TCF12: variants seen among roughly 807,000 people sequenced by gnomAD.
TCF12 encodes the protein DNA-binding protein HTF4.
TCF12 carries 45 observed loss-of-function variants against 86.0 expected under a neutral mutation model. The observed-to-expected ratio is 0.52, with a 90% CI of 0.41 to 0.67. The LOEUF (loss-of-function observed/expected upper bound fraction) is 0.67. Ranked by LOEUF, TCF12 falls within the 30% of genes least tolerant of loss-of-function variation. TCF12 has a pLI of 0.00. For missense variants in TCF12, 881 were observed against 859.9 expected (o/e 1.02, Z -0.31); for synonymous variants, 330 against 299.6 (o/e 1.10, Z -1.05).
chr15:57,169,953 C>T (rs1353548017), intron 6 of TCF12, among the ~76,000 whole-genome samples: 2 of 152,184 alleles, frequency 1.3e-5, no homozygotes, highest in African/African-American at 4.8e-5. Flanking sequence ...TATCAAAAGA[C>T]ATTTATTTTA....
intron 7 of TCF12, among the ~76,000 whole-genome samples, chr15:57,195,191 C>G (rs954942388): frequency 1.3e-5 from 2 of 152,198 alleles, no homozygotes; most frequent in African/African-American, 2.4e-5. Context: ...GCATGAGCCA[C>G]CGCACCCAGC....
At chr15:57,042,587 A>AT (rs1243779799) in intron 3 of TCF12, among the ~76,000 whole-genome samples, 4 of 151,720 alleles carry the variant, frequency 2.6e-5, no homozygotes, top group Non-Finnish European at 5.9e-5. Context: ...CTAATTTTTA[A>AT]TTTTTTTGTG....
At chr15:57,274,672 A>C (rs2061298111) in intron 19 of TCF12, among the ~76,000 whole-genome samples, 1 of 152,040 alleles carries the variant, frequency 6.6e-6, no homozygotes, top group South Asian at 2.1e-4. Context: ...AAGTACACTC[A>C]TCCTCCTCTT....
chr15:57,136,790 C>T (rs1319764266), intron 5 of TCF12, among the ~76,000 whole-genome samples: 1 of 151,756 alleles, frequency 6.6e-6, no homozygotes, highest in Non-Finnish European at 1.5e-5. Flanking sequence ...ATCCTCACAC[C>T]TAAGCCTCCT....
intron 3 of TCF12, among the ~76,000 whole-genome samples, chr15:57,059,946 GA>G (rs1400399385): frequency 1.3e-5 from 2 of 152,064 alleles, no homozygotes; most frequent in Non-Finnish European, 2.9e-5. Flanking sequence ...ACACTAGAAA[GA>G]AAATACTGTT....
intron 8 of TCF12, among the ~76,000 whole-genome samples, chr15:57,223,558 C>T (rs917232443): frequency 1.3e-5 from 2 of 148,684 alleles, no homozygotes; most frequent in Admixed American, 6.8e-5. Context: ...CTTTCAGATA[C>T]GTTTTAGCAA....
At chr15:56,949,342 CTTTGT>C (rs1276777077) in intron 3 of TCF12, among the ~76,000 whole-genome samples, 5 of 151,952 alleles carry the variant, frequency 3.3e-5, no homozygotes, top group Non-Finnish European at 5.9e-5. Flanking sequence ...TTTAAAAAAA[CTTTGT>C]TTTATTTAAT....
At chr15:56,990,560 T>C (rs1207042273) in intron 3 of TCF12, among the ~76,000 whole-genome samples, 3 of 152,088 alleles carry the variant, frequency 2.0e-5, no homozygotes, top group Non-Finnish European at 2.9e-5. Flanking sequence ...TAATCAGCAA[T>C]TAAAAAAATA....
At chr15:57,013,573 A>T (rs1217333813) in intron 3 of TCF12, among the ~76,000 whole-genome samples, 1 of 152,186 alleles carries the variant, frequency 6.6e-6, no homozygotes, top group African/African-American at 2.4e-5. Context: ...TGCCTGCGTC[A>T]GTCTGCCAAA....
intron 8 of TCF12, among the ~76,000 whole-genome samples, chr15:57,225,089 T>G (rs1340287452): frequency 2.0e-5 from 3 of 152,120 alleles, no homozygotes. Flanking sequence ...ATTTTAATAT[T>G]TATCTAGATT....
chr15:57,126,978 T>C (rs563944549), intron 5 of TCF12, among the ~76,000 whole-genome samples: 3 of 143,208 alleles, frequency 2.1e-5, no homozygotes, highest in East Asian at 2.1e-4. Context: ...ACTTTTTTTT[T>C]CTTTTCTTTT....
intron 5 of TCF12, among the ~76,000 whole-genome samples, chr15:57,140,519 A>G (rs1250764846): frequency 6.6e-6 from 1 of 152,200 alleles, no homozygotes. Context: ...TGTGGAAACA[A>G]AGGAAACAAG....
intron 3 of TCF12, among the ~76,000 whole-genome samples, chr15:56,922,534 A>G (rs560562296): frequency 6.6e-6 from 1 of 152,144 alleles, no homozygotes; most frequent in East Asian, 1.9e-4. Flanking sequence ...CATTGGAGCA[A>G]TTTTTGGACT....
At chr15:56,950,745 GTTTTTTTTTTTTTT>G (rs71113040) in intron 3 of TCF12, among the ~76,000 whole-genome samples, 1 of 85,922 alleles carries the variant, frequency 1.2e-5, no homozygotes, top group Non-Finnish European at 2.1e-5. Flanking sequence ...TTATGACCAT[GTTTTTTTTTTTTTT>G]TTTTTTTTTT....
At chr15:57,009,019 T>G (rs1426692418) in intron 3 of TCF12, among the ~76,000 whole-genome samples, 2 of 152,212 alleles carry the variant, frequency 1.3e-5, no homozygotes, top group African/African-American at 4.8e-5. Context: ...AATAAAATGC[T>G]ATAAGCTCTT....
intron 11 of TCF12, 148 bp from the exon 12 acceptor site, chr15:57,233,895 T>C (rs2059274011): frequency 3.3e-6 from 2 of 613,048 alleles, no homozygotes; most frequent in Admixed American, 5.3e-5. Flanking sequence ...TTTAGTTTAT[T>C]AATAAGTACA....
intron 5 of TCF12, among the ~76,000 whole-genome samples, chr15:57,151,053 A>T (rs1311029889): frequency 2.0e-5 from 3 of 150,858 alleles, no homozygotes; most frequent in African/African-American, 7.3e-5. Context: ...ATCATAGCTC[A>T]CTGTAACCTT....
chr15:56,946,592 C>G (rs2061007149), intron 3 of TCF12, among the ~76,000 whole-genome samples: 1 of 152,016 alleles, frequency 6.6e-6, no homozygotes, highest in South Asian at 2.1e-4. Flanking sequence ...GGTTATGGGT[C>G]ACATTTTTCT....
intron 16 of TCF12, among the ~76,000 whole-genome samples, chr15:57,253,701 C>G (rs1435614209): frequency 6.6e-6 from 1 of 152,138 alleles, no homozygotes; most frequent in African/African-American, 2.4e-5. Context: ...TTAGCTAAAA[C>G]TTGGATTTTT....
Sources: gnomAD v4.1 joint callset for allele counts (sites outside exome capture counted in the v4.1 genomes callset) on GRCh38, gnomAD v4.1.1 for gene constraint, MANE v1.5 for transcripts, NCBI Gene and HGNC (gene_info 2026-07-23, HGNC 2026-07-21) for gene names.